CFAP251: variants seen among roughly 807,000 people sequenced by gnomAD.
CFAP251 encodes cilia and flagella associated protein 251, also known as cilia- and flagella-associated protein 251.
Under a neutral mutation model 126.7 loss-of-function variants are expected in CFAP251, and 93 were observed. The ratio of observed to expected loss-of-function variants is 0.73; its 90% CI spans 0.62 to 0.87. The LOEUF (loss-of-function observed/expected upper bound fraction) is 0.87, where lower values mean the gene tolerates loss of function less well. CFAP251 is among the 40% of genes least tolerant of loss of function. The pLI, the probability that CFAP251 is intolerant of heterozygous loss-of-function variation, is 0.00. For synonymous variants in CFAP251, 503 were observed against 506.9 expected, an observed-to-expected ratio of 0.99 and a Z score of 0.10; for missense variants, 1,287 against 1,389.2, an observed-to-expected ratio of 0.93 and a Z score of 1.17.
At chr12:121,942,428 T>G in intron 5 of CFAP251, 106 bp from the exon 6 acceptor site, 1 of 662,200 alleles carries the variant, frequency 1.5e-6, no homozygotes, top group Non-Finnish European at 2.6e-6. Context: ...AGACCACATT[T>G]TGTTCTGTTT....
chr12:121,951,868 GC>G (rs1329572700), intron 9 of CFAP251, among the ~76,000 whole-genome samples: 1 of 151,830 alleles, frequency 6.6e-6, no homozygotes, highest in Admixed American at 6.6e-5. Flanking sequence ...ACAGGCGCCT[GC>G]CACCACGCCC....
chr12:121,964,906 A>AAAAAT (rs776260270), intron 15 of CFAP251, among the ~76,000 whole-genome samples: 7 of 152,132 alleles, frequency 4.6e-5, no homozygotes, highest in African/African-American at 7.2e-5. Flanking sequence ...CTGTCTTAAA[A>AAAAAT]AAAATAAAAT....
intron 5 of CFAP251, among the ~76,000 whole-genome samples, chr12:121,939,291 A>G (rs77526229): frequency 6.6e-6 from 1 of 151,832 alleles, no homozygotes; most frequent in Admixed American, 6.6e-5. Context: ...CCCTGCAGAC[A>G]CTTCCCCCAG....
Position 121,957,281 on chromosome 12 carries a change from TGAATCTAGTCATTA to T in CFAP251, c.1730+18_1730+31del. On this transcript the variant is annotated intron_variant, in intron 11 of 21. Coordinates refer to ENST00000288912, the MANE Select transcript of CFAP251 (RefSeq NM_144668.6). The stretch of plus-strand genomic sequence containing the variant: ...TTTTTGTCTTAAGGTAAGTTGTTAA[TGAATCTAGTCATTA>T]GAATGGTTGAAAAATGATCACTGTC... 6.2e-7 allele frequency: 1 copy of T among 1,602,506 alleles called. No homozygotes were observed. The highest frequency in any genetic ancestry group is 1.3e-5 in the African/African-American group (1 of 74,410).
intron 5 of CFAP251, among the ~76,000 whole-genome samples, chr12:121,941,001 T>C (rs1429188297): frequency 6.6e-5 from 10 of 152,076 alleles, no homozygotes; most frequent in Admixed American, 6.6e-4. Context: ...GGCAGCAAAG[T>C]TTTTATTTTT....
In CFAP251 at chr12:121,967,026, C is replaced by T. The variant is rs752215818; in HGVS notation, c.2564C>T (p.Ala855Val). Residue 855 changes from alanine to valine, a missense_variant, in exon 16 of 22, where the codon GCG becomes GTG. Ala to Val is a moderately conservative substitution (Grantham distance 64). Coordinates refer to ENST00000288912, the MANE Select transcript of CFAP251 (RefSeq NM_144668.6). Reference protein sequence around the residue: ...QTQVLPVRSMAELQKRYLVFI... With the variant: ...QTQVLPVRSMVELQKRYLVFI... ...CAAGTCCTCCCAGTGAGAAGCATGGCGGAGCTACAGAAACGCTACTTGGTG... is the reference window on the plus strand; with the variant it reads ...CAAGTCCTCCCAGTGAGAAGCATGGTGGAGCTACAGAAACGCTACTTGGTG... 2.4e-5 allele frequency: 39 copies of T among 1,614,094 alleles called. No individual in the cohort carries two copies. Among genetic ancestry groups the T allele is most frequent in the South Asian group, 2.2e-4 (20 of 91,086 alleles).
In CFAP251 at chr12:121,942,597, G is replaced by A. The variant is rs199834756; in HGVS notation, c.1062G>A (p.Met354Ile). ...GGAATGGCATCATGGCCATGGCCAT[G>A]ACCCACGACGCCAAGTATCTGGCAA... is the stretch of plus-strand genomic sequence containing the variant. Reference protein sequence around the residue: ...PEGNGIMAMAMTHDAKYLATI... With the variant: ...PEGNGIMAMAITHDAKYLATI... The change falls in exon 6 of 22, where the codon ATG becomes ATA. Residue 354 changes from methionine (M) to isoleucine (I), a missense_variant. By Grantham distance (10) the Met-to-Ile change is conservative (BLOSUM62 1). Coordinates refer to ENST00000288912, the MANE Select transcript of CFAP251 (RefSeq NM_144668.6). 6.6e-5 allele frequency: 106 copies of A among 1,613,570 alleles called. No individual in the cohort carries two copies. The highest frequency in any genetic ancestry group is 9.3e-5 in the African/African-American group (7 of 74,924).
At chr12:121,968,266 G>A (rs983954429) in intron 17 of CFAP251, 97 bp downstream of exon 17, 11 of 1,266,856 alleles carry the variant, frequency 8.7e-6, no homozygotes, top group Non-Finnish European at 1.2e-5. Context: ...CAGGCACTGT[G>A]CTAGGATGTC....
In CFAP251 at chr12:121,982,291, C is replaced by T. The variant is rs1322965829; in HGVS notation, c.3006+6606C>T. 7.2e-5 allele frequency among the ~76,000 whole-genome samples: 11 copies of T among 151,940 alleles called. No homozygotes were observed. In the East Asian group the frequency reaches 1.9e-3, roughly 27 times the overall value. On this transcript the variant is annotated intron_variant, in intron 19 of 21. Coordinates refer to ENST00000288912, the MANE Select transcript of CFAP251 (RefSeq NM_144668.6). ...GTGTGATCACAGCTCACTGCAGCCT[C>T]GACTTCCTGGGCTCAAGTGATCCCT...
Position 121,959,035 on chromosome 12 carries a change from T to G in CFAP251, c.2074T>G (p.Ser692Ala), listed in dbSNP as rs1288814557. Residue 692 changes from serine to alanine, a missense_variant, in exon 13 of 22, where the codon TCC (serine) becomes GCC (alanine). By Grantham distance (99) the Ser-to-Ala change is moderately conservative (BLOSUM62 1). Transcript: ENST00000288912. ...ENESPEPFKY[S>A]RTSVTHISFS... ...TGAAAGCCCAGAGCCTTTCAAATAT[T>G]CCAGAACCAGTGTGACTCATATAAG... The G allele has an allele frequency of 6.2e-7, 1 of 1,613,330 alleles. No homozygotes were observed. The highest frequency in any genetic ancestry group is 1.7e-5 in the Admixed American group (1 of 59,736).
chr12:121,990,587 C>G (rs1280620536), intron 19 of CFAP251, among the ~76,000 whole-genome samples: 1 of 152,216 alleles, frequency 6.6e-6, no homozygotes, highest in Non-Finnish European at 1.5e-5. Flanking sequence ...CCCACCTCTT[C>G]CAGGAAGCCT....
chr12:121,967,197 C>T (rs1882172977), intron 16 of CFAP251, 128 bp downstream of exon 16: 1 of 772,744 alleles, frequency 1.3e-6, no homozygotes, highest in African/African-American at 1.7e-5. Context: ...CCACCCCAGT[C>T]AGCTGTGATA....
At chr12:121,961,231 T>TTCCC (rs1881923624) in intron 14 of CFAP251, among the ~76,000 whole-genome samples, 1 of 151,788 alleles carries the variant, frequency 6.6e-6, no homozygotes, top group African/African-American at 2.4e-5. Flanking sequence ...TCTGTCTGTT[T>TTCCC]TTCCTTCCTC....
Position 121,957,269 on chromosome 12 carries a change from G to C in CFAP251, c.1730+1G>C, listed in dbSNP as rs1276427686. The C allele has an allele frequency of 1.2e-6, 2 of 1,605,820 alleles. No individual in the cohort carries two copies. The highest frequency in any genetic ancestry group is 1.3e-5 in the African/African-American group (1 of 74,296). ...TAAAAGGTGACCTTTTTGTCTTAAG[G>C]TAAGTTGTTAATGAATCTAGTCATT... On this transcript the variant is annotated splice_donor_variant, in intron 11 of 21. Coordinates refer to ENST00000288912, the MANE Select transcript of CFAP251 (RefSeq NM_144668.6). LOFTEE classifies it high-confidence loss of function.
At chr12:121,951,885 A>AT (rs1443943807) in intron 9 of CFAP251, among the ~76,000 whole-genome samples, 1 of 151,348 alleles carries the variant, frequency 6.6e-6, no homozygotes, top group African/African-American at 2.4e-5. Flanking sequence ...CGCCCGGCTA[A>AT]TTTTTTGTAT....
At chr12:121,992,380 GAAGAGAGAGT>G in intron 19 of CFAP251, 1 of 985,268 alleles carries the variant, frequency 1.0e-6, no homozygotes. Context: ...AGTCATACGG[GAAGAGAGAGT>G]AAGAGGTGAA....
intron 7 of CFAP251, among the ~76,000 whole-genome samples, chr12:121,945,787 A>G (rs1881302391): frequency 6.7e-6 from 1 of 148,616 alleles, no homozygotes; most frequent in Non-Finnish European, 1.5e-5. Context: ...TGCCTCAACC[A>G]CCTGAGTAGC....
intron 19 of CFAP251, among the ~76,000 whole-genome samples, chr12:121,987,640 G>A (rs566415927): frequency 3.3e-5 from 5 of 151,766 alleles, no homozygotes; most frequent in South Asian, 2.1e-4. Context: ...GCTTGAACCC[G>A]GGAGGCGGAG....
intron 13 of CFAP251, chr12:121,959,347 G>A (rs987517965): frequency 5.4e-6 from 2 of 372,236 alleles, no homozygotes; most frequent in Non-Finnish European, 9.6e-6. Flanking sequence ...AGGCTGAGGC[G>A]GGAGGACCCC....
Sources: gnomAD v4.1 joint callset for allele counts (sites outside exome capture counted in the v4.1 genomes callset) on GRCh38, gnomAD v4.1.1 for gene constraint, MANE v1.5 for transcripts, NCBI Gene and HGNC (gene_info 2026-07-23, HGNC 2026-07-21) for gene names.